The following POLK variants were observed in gnomAD, a reference collection of about 807,000 sequenced individuals.
The protein encoded by POLK is DNA polymerase kappa.
A neutral mutation model predicts 94.0 loss-of-function variants in POLK; 76 were observed. The observed-to-expected ratio is 0.81, with a 90% CI of 0.67 to 0.98. The LOEUF (loss-of-function observed/expected upper bound fraction) is 0.98, where lower values mean the gene tolerates loss of function less well. POLK is among the 50% of genes least tolerant of loss of function. The probability of loss-of-function intolerance (pLI) is 0.00; values close to 1 mark genes in which losing one functional copy is unlikely to be tolerated. For synonymous variants in POLK, 349 were observed against 325.4 expected (o/e 1.07, Z -0.78); for missense variants, 954 against 1,010.1 (o/e 0.94, Z 0.75).
intron 4 of POLK, 131 bp from the exon 5 acceptor site, chr5:75,573,606 CA>C (rs1315395862): frequency 5.5e-6 from 4 of 728,064 alleles, no homozygotes; most frequent in Non-Finnish European, 9.0e-6. Flanking sequence ...AAAACAAAAA[CA>C]AAAAACTGGC....
At chr5:75,569,404 A>G in exon 4 of POLK, 1 of 1,613,552 alleles carries the variant, frequency 6.2e-7, no homozygotes, top group Non-Finnish European at 8.5e-7. Context: ...GTGCACATTG[A>G]CATGGATGCT....
At chr5:75,594,179 G>T (rs894441355) in intron 12 of POLK, 130 bp downstream of exon 12, 1 of 624,752 alleles carries the variant, frequency 1.6e-6, no homozygotes, top group African/African-American at 1.8e-5. Context: ...TTGCGACAGT[G>T]GGAAAGCTGT....
At chr5:75,581,701 A>G (rs1456536802) in intron 7 of POLK, 41 of 343,064 alleles carry the variant, frequency 1.2e-4, no homozygotes, top group African/African-American at 2.9e-4. Flanking sequence ...TTTGAGATGG[A>G]GTCTTGCTCT....
At chr5:75,545,900 T>A (rs1279204661) in intron 1 of POLK, among the ~76,000 whole-genome samples, 1 of 152,222 alleles carries the variant, frequency 6.6e-6, no homozygotes, top group Non-Finnish European at 1.5e-5. Flanking sequence ...TGTTATCTTT[T>A]TGTATGGCGA....
intron 4 of POLK, among the ~76,000 whole-genome samples, chr5:75,573,147 A>G (rs1334741989): frequency 1.3e-5 from 2 of 152,154 alleles, no homozygotes; most frequent in African/African-American, 4.8e-5. Context: ...GATTAAGAAA[A>G]TGTGGCACAT....
chr5:75,527,493 A>T (rs1768917684), intron 1 of POLK, among the ~76,000 whole-genome samples: 1 of 133,078 alleles, frequency 7.5e-6, no homozygotes, highest in African/African-American at 3.0e-5. Flanking sequence ...AAAAAAAAAA[A>T]TTTATATATA....
At chr5:75,518,922 G>A (rs1768443720) in intron 1 of POLK, among the ~76,000 whole-genome samples, 2 of 152,086 alleles carry the variant, frequency 1.3e-5, no homozygotes, top group Admixed American at 1.3e-4. Context: ...ATGACCCACT[G>A]CATCCTCAAT....
intron 2 of POLK, among the ~76,000 whole-genome samples, chr5:75,549,396 T>A (rs1389904148): frequency 6.6e-6 from 1 of 152,100 alleles, no homozygotes; most frequent in Non-Finnish European, 1.5e-5. Flanking sequence ...TGTTTTTTTA[T>A]TATCATACTT....
chr5:75,561,462 T>C (rs1581023949), intron 3 of POLK, among the ~76,000 whole-genome samples: 1 of 152,236 alleles, frequency 6.6e-6, no homozygotes, highest in Non-Finnish European at 1.5e-5. Context: ...AGGTTGCCTG[T>C]TCACTCTGCT....
intron 3 of POLK, among the ~76,000 whole-genome samples, chr5:75,561,449 A>G (rs1390615900): frequency 2.0e-5 from 3 of 152,074 alleles, no homozygotes; most frequent in Non-Finnish European, 2.9e-5. Context: ...TCTCCCATTC[A>G]GTAGGTTGCC....
In POLK at chr5:75,533,008, T is replaced by G. The variant is rs377466342; in HGVS notation, c.-13-14002T>G. Among the ~76,000 whole-genome samples the G allele has an allele frequency of 9.2e-5, 14 of 152,334 alleles. No individual in the cohort carries two copies. In the East Asian group the frequency reaches 2.3e-3, roughly 25 times the overall value. On this transcript the variant is annotated intron_variant, in intron 1 of 14. Transcript: ENST00000241436. ...TTAGACCTTTCTTGGATCCGTAGTT[T>G]GCAGAAATTTTCTCCCGTTCTGTAG... is the stretch of plus-strand genomic sequence containing the variant.
At chr5:75,590,635 TTC>T (rs1326421934) in intron 11 of POLK, 195 bp downstream of exon 11, 19 of 533,200 alleles carry the variant, frequency 3.6e-5, no homozygotes, top group Non-Finnish European at 5.7e-5. Flanking sequence ...GATGAGGTGA[TTC>T]TATGAAGAAG....
intron 1 of POLK, among the ~76,000 whole-genome samples, chr5:75,542,689 A>T (rs910939469): frequency 1.4e-5 from 2 of 147,324 alleles, no homozygotes; most frequent in Non-Finnish European, 3.0e-5. Context: ...ATATATACAT[A>T]TATGTATATA....
chr5:75,580,968 C>T (rs1772166493), intron 6 of POLK, among the ~76,000 whole-genome samples: 1 of 149,778 alleles, frequency 6.7e-6, no homozygotes, highest in Admixed American at 6.6e-5. Flanking sequence ...AAGATATTTC[C>T]TTTTAATATT....
At chr5:75,539,824 T>A (rs375949637) in intron 1 of POLK, among the ~76,000 whole-genome samples, 1 of 152,236 alleles carries the variant, frequency 6.6e-6, no homozygotes, top group Non-Finnish European at 1.5e-5. Flanking sequence ...CTTTCCCCTT[T>A]TTGTAGGTTA....
chr5:75,579,336 A>G (rs975243920), intron 6 of POLK, among the ~76,000 whole-genome samples: 3 of 151,860 alleles, frequency 2.0e-5, no homozygotes, highest in African/African-American at 7.3e-5. Flanking sequence ...GGTAGATACC[A>G]TTTCAATTGT....
At position 75,537,123 on chromosome 5, in the gene POLK, T is replaced by TA. The variant is rs1176002739; in HGVS notation, c.-13-9886dup. ...CCAGCAAGGAGTAGTGGAGAAATCT[T>TA]ACTGCTTTCAGGCACTGCAGTGGCG... On this transcript the variant is annotated intron_variant, in intron 1 of 14. Transcript: ENST00000241436. Among the ~76,000 whole-genome samples the TA allele has an allele frequency of 3.3e-5, 5 of 152,350 alleles. No homozygotes were observed. In the East Asian group the frequency reaches 5.8e-4, roughly 18 times the overall value.
intron 3 of POLK, among the ~76,000 whole-genome samples, chr5:75,566,630 C>T (rs1460052336): frequency 6.6e-6 from 1 of 152,170 alleles, no homozygotes; most frequent in Non-Finnish European, 1.5e-5. Context: ...AGGGAGTTCC[C>T]AGACCCCTTG....
chr5:75,556,720 T>A (rs1770640179), intron 3 of POLK, among the ~76,000 whole-genome samples: 1 of 152,004 alleles, frequency 6.6e-6, no homozygotes, highest in Non-Finnish European at 1.5e-5. Flanking sequence ...TTTCTTTTTT[T>A]TTTTTTTAAC....
Sources: allele counts gnomAD v4.1 joint callset (sites outside exome capture counted in the v4.1 genomes callset), GRCh38; gene constraint gnomAD v4.1.1; transcripts MANE v1.5; gene names NCBI Gene and HGNC (gene_info 2026-07-23, HGNC 2026-07-21).